The following CDK17 variants were observed in gnomAD, a reference collection of about 807,000 sequenced individuals.
The protein encoded by CDK17 is cyclin-dependent kinase 17.
CDK17 carries 24 observed loss-of-function variants against 77.6 expected under a neutral mutation model. The observed-to-expected ratio is 0.31, with a 90% CI of 0.22 to 0.44. The LOEUF (loss-of-function observed/expected upper bound fraction) is 0.44, where lower values mean the gene tolerates loss of function less well. CDK17 is among the 20% of genes least tolerant of loss of function. The pLI, the probability that CDK17 is intolerant of heterozygous loss-of-function variation, is 1.00. For missense variants in CDK17, 429 were observed against 622.5 expected, an observed-to-expected ratio of 0.69 and a Z score of 3.31; for synonymous variants, 203 against 210.4, an observed-to-expected ratio of 0.96 and a Z score of 0.30.
At chr12:96,280,411 T>TC in intron 16 of CDK17, 132 bp from the exon 17 acceptor site, 5 of 1,456,970 alleles carry the variant, frequency 3.4e-6, no homozygotes, top group Non-Finnish European at 4.5e-6. Flanking sequence ...ATCAGCACTG[T>TC]CTTAAATGAC....
intron 3 of CDK17, among the ~76,000 whole-genome samples, chr12:96,313,856 CTTA>C (rs146433285): frequency 0.014 from 2,206 of 152,244 alleles, 52 homozygotes; most frequent in African/African-American, 0.049. Context: ...TCATCTGCCT[CTTA>C]TTTAGTATTC....
intron 1 of CDK17, among the ~76,000 whole-genome samples, chr12:96,356,639 C>T (rs1400449624): frequency 6.6e-6 from 1 of 152,182 alleles, no homozygotes; most frequent in East Asian, 1.9e-4. Context: ...TATATTGGAA[C>T]CCCTACATGA....
intron 1 of CDK17, among the ~76,000 whole-genome samples, chr12:96,356,230 AAAT>A (rs1327968407): frequency 1.3e-5 from 2 of 152,240 alleles, no homozygotes; most frequent in Non-Finnish European, 2.9e-5. Context: ...CCAAAAATTC[AAAT>A]AATAGCCCAC....
At chr12:96,379,225 C>T (rs1332846735) in intron 1 of CDK17, among the ~76,000 whole-genome samples, 1 of 152,042 alleles carries the variant, frequency 6.6e-6, no homozygotes, top group East Asian at 1.9e-4. Flanking sequence ...CTAAAATTAA[C>T]ATATTATCAG....
intron 1 of CDK17, among the ~76,000 whole-genome samples, chr12:96,377,624 T>C (rs539566847): frequency 6.6e-6 from 1 of 151,790 alleles, no homozygotes; most frequent in South Asian, 2.1e-4. Context: ...ACAGGCCTGT[T>C]GCACATTTAG....
At chr12:96,328,510 T>C (rs1952921125) in intron 2 of CDK17, among the ~76,000 whole-genome samples, 1 of 152,032 alleles carries the variant, frequency 6.6e-6, no homozygotes, top group Admixed American at 6.6e-5. Context: ...GTTATTTATG[T>C]GGTAAAAAAT....
intron 5 of CDK17, among the ~76,000 whole-genome samples, chr12:96,300,963 T>C (rs573950613): frequency 6.7e-4 from 102 of 152,306 alleles, no homozygotes; most frequent in African/African-American, 2.0e-3. Context: ...CCACAGGCAT[T>C]TTAAGATACT....
chr12:96,287,293 G>A (rs1049609838), intron 11 of CDK17, among the ~76,000 whole-genome samples: 9 of 152,124 alleles, frequency 5.9e-5, no homozygotes, highest in Non-Finnish European at 1.0e-4. Context: ...GTAAGTGAAG[G>A]AAAAGAAAAG....
At chr12:96,327,881 T>C (rs1339991888) in intron 2 of CDK17, among the ~76,000 whole-genome samples, 1 of 152,170 alleles carries the variant, frequency 6.6e-6, no homozygotes, top group Non-Finnish European at 1.5e-5. Flanking sequence ...AGATCAACTG[T>C]TAAACATATA....
At chr12:96,347,794 G>A (rs1953246243) in intron 1 of CDK17, among the ~76,000 whole-genome samples, 3 of 152,064 alleles carry the variant, frequency 2.0e-5, no homozygotes, top group South Asian at 2.1e-4. Flanking sequence ...AGGCCATAAG[G>A]CAGGCCATAA....
At chr12:96,316,195 G>A (rs12813119) in intron 3 of CDK17, among the ~76,000 whole-genome samples, 26 of 152,194 alleles carry the variant, frequency 1.7e-4, no homozygotes, top group Non-Finnish European at 3.1e-4. Context: ...AAGGGGTGAC[G>A]GACGCACCTG....
In CDK17 at chr12:96,283,356, T is replaced by C. The variant is rs557445225; in HGVS notation, c.1365+247A>G. Among the ~76,000 whole-genome samples, 551 of 151,808 alleles carry C rather than the reference T, an allele frequency of 3.6e-3. 2 individuals are homozygous for C. The highest frequency in any genetic ancestry group is 6.2e-3 in the Non-Finnish European group (421 of 67,966). On this transcript the variant is annotated intron_variant, in intron 14 of 16. Transcript: ENST00000261211. ...CATAGAGAGCATCAATTGCAGAGAATGTGGCCTTGACACAGCTGATCAATG... is the reference window on the plus strand; with the variant it reads ...CATAGAGAGCATCAATTGCAGAGAACGTGGCCTTGACACAGCTGATCAATG...
chr12:96,339,607 CA>C lies in CDK17; in HGVS notation c.-29-4743del, dbSNP rs994072632. 5.3e-5 allele frequency among the ~76,000 whole-genome samples: 8 copies of C among 150,978 alleles called. No individual in the cohort carries two copies. In the East Asian group the frequency reaches 5.8e-4, roughly 11 times the overall value. ...GACAATAACATTTATTATCCCTCACCAAAAAAAAGTTAATAACTATTATATT... is the reference window on the plus strand; with the variant it reads ...GACAATAACATTTATTATCCCTCACCAAAAAAAGTTAATAACTATTATATT... On this transcript the variant is annotated intron_variant, in intron 1 of 16. Transcript: ENST00000261211.
chr12:96,341,880 T>C (rs1187683174), intron 1 of CDK17, among the ~76,000 whole-genome samples: 1 of 152,198 alleles, frequency 6.6e-6, no homozygotes, highest in Admixed American at 6.5e-5. Flanking sequence ...TACTCTAATA[T>C]AAAAGGACTT....
chr12:96,292,433 C>A (rs1277290064), intron 10 of CDK17, among the ~76,000 whole-genome samples: 1 of 151,992 alleles, frequency 6.6e-6, no homozygotes, highest in African/African-American at 2.4e-5. Context: ...TGGTGAAACC[C>A]CATCTCTACT....
chr12:96,354,689 T>G (rs546262148), intron 1 of CDK17, among the ~76,000 whole-genome samples: 1 of 152,186 alleles, frequency 6.6e-6, no homozygotes, highest in East Asian at 1.9e-4. Flanking sequence ...AAGACCAGCC[T>G]TGGCAACATA....
intron 1 of CDK17, among the ~76,000 whole-genome samples, chr12:96,366,087 T>C (rs1383963340): frequency 6.6e-6 from 1 of 152,212 alleles, no homozygotes; most frequent in East Asian, 1.9e-4. Context: ...ATTTCAACAC[T>C]TCTGAGAAGA....
intron 3 of CDK17, among the ~76,000 whole-genome samples, chr12:96,318,639 AG>A (rs1410225409): frequency 3.4e-5 from 5 of 146,108 alleles, no homozygotes; most frequent in African/African-American, 1.3e-4. Context: ...CTCAGGATTA[AG>A]AATCTCACTC....
intron 1 of CDK17, among the ~76,000 whole-genome samples, chr12:96,357,538 T>C (rs1453494459): frequency 1.3e-5 from 2 of 152,124 alleles, no homozygotes; most frequent in African/African-American, 4.8e-5. Context: ...CGGTCGTGAG[T>C]GTGCATATAA....
Sources: gnomAD v4.1 joint callset for allele counts (sites outside exome capture counted in the v4.1 genomes callset) on GRCh38, gnomAD v4.1.1 for gene constraint, MANE v1.5 for transcripts, NCBI Gene and HGNC (gene_info 2026-07-23, HGNC 2026-07-21) for gene names.